The following SRP54 variants were observed in gnomAD, a reference collection of about 807,000 sequenced individuals.
SRP54 encodes the protein signal recognition particle subunit SRP54.
SRP54 carries 10 observed loss-of-function variants against 64.8 expected under a neutral mutation model. The ratio of observed to expected loss-of-function variants is 0.15; its 90% CI spans 0.10 to 0.26. SRP54 has a LOEUF of 0.26. SRP54 is among the 10% of genes least tolerant of loss of function. SRP54 has a pLI of 1.00. For missense variants in SRP54, 325 were observed against 613.7 expected, an observed-to-expected ratio of 0.53 and a Z score of 4.97; for synonymous variants, 193 against 185.6, an observed-to-expected ratio of 1.04 and a Z score of -0.32.
At chr14:34,988,576 A>ATATATATATATATATATAT (rs1326467032) in intron 1 of SRP54, among the ~76,000 whole-genome samples, 1 of 83,534 alleles carries the variant, frequency 1.2e-5, no homozygotes, top group African/African-American at 4.1e-5. Context: ...AAAAAAAAAA[A>ATATATATATATATATATAT]AAATATATAT....
At chr14:35,004,132 C>G (rs1303045495) in intron 4 of SRP54, among the ~76,000 whole-genome samples, 4 of 152,026 alleles carry the variant, frequency 2.6e-5, no homozygotes, top group African/African-American at 9.7e-5. Flanking sequence ...TGCCTGTAAT[C>G]CCAGCTACTT....
chr14:34,989,469 C>T (rs1023406732), intron 1 of SRP54, among the ~76,000 whole-genome samples: 3 of 139,032 alleles, frequency 2.2e-5, no homozygotes, highest in Non-Finnish European at 4.7e-5. Flanking sequence ...AACTCTGTCT[C>T]AAAAAAAAAA....
At chr14:35,010,088 C>T (rs1479539630) in intron 7 of SRP54, among the ~76,000 whole-genome samples, 1 of 151,568 alleles carries the variant, frequency 6.6e-6, no homozygotes, top group Non-Finnish European at 1.5e-5. Flanking sequence ...GCGAAGGTTG[C>T]ATTGAGCCGA....
intron 3 of SRP54, 80 bp downstream of exon 3, chr14:34,999,729 C>G (rs986984703): frequency 4.9e-6 from 5 of 1,023,854 alleles, no homozygotes; most frequent in Non-Finnish European, 7.6e-6. Context: ...GAAGTGTTTG[C>G]TGTATCAGGA....
chr14:35,002,285 T>C (rs566240230), intron 4 of SRP54, among the ~76,000 whole-genome samples: 2 of 152,068 alleles, frequency 1.3e-5, no homozygotes, highest in Admixed American at 1.3e-4. Flanking sequence ...GCCCAGGAGT[T>C]CGGGGGTGCA....
chr14:35,005,996 C>T (rs147323839), intron 4 of SRP54, among the ~76,000 whole-genome samples: 11,724 of 152,154 alleles, frequency 0.077, 598 homozygotes, highest in Non-Finnish European at 0.12. Context: ...CCTGCCACCA[C>T]GCCCGGCTAA....
intron 14 of SRP54, 118 bp from the exon 15 acceptor site, chr14:35,027,970 G>A (rs1205663491): frequency 1.9e-6 from 1 of 516,550 alleles, no homozygotes; most frequent in Non-Finnish European, 3.4e-6. Flanking sequence ...TAGAGTGATA[G>A]GATTATGTAA....
intron 11 of SRP54, among the ~76,000 whole-genome samples, chr14:35,016,568 C>T (rs188788210): frequency 1.1e-4 from 16 of 152,314 alleles, no homozygotes; most frequent in Admixed American, 7.2e-4. Flanking sequence ...CTTAAATGTC[C>T]TTCTTCAGGG....
chr14:34,990,909 T>TA (rs2043965917), intron 1 of SRP54, among the ~76,000 whole-genome samples: 2 of 152,156 alleles, frequency 1.3e-5, no homozygotes, highest in Admixed American at 6.5e-5. Flanking sequence ...CTTTTAAAGA[T>TA]ATTTGCAGTG....
intron 14 of SRP54, among the ~76,000 whole-genome samples, chr14:35,026,771 T>C (rs993351444): frequency 6.6e-6 from 1 of 152,076 alleles, no homozygotes; most frequent in Non-Finnish European, 1.5e-5. Flanking sequence ...GGTGAAACCC[T>C]GTCTCTACTA....
intron 7 of SRP54, among the ~76,000 whole-genome samples, chr14:35,009,537 G>T (rs2044321988): frequency 6.6e-6 from 1 of 152,080 alleles, no homozygotes; most frequent in Non-Finnish European, 1.5e-5. Flanking sequence ...GACAAAGATT[G>T]TATTGGGGAT....
At chr14:34,988,968 A>G (rs2043945824) in intron 1 of SRP54, among the ~76,000 whole-genome samples, 2 of 152,138 alleles carry the variant, frequency 1.3e-5, no homozygotes, top group African/African-American at 2.4e-5. Flanking sequence ...CCATATTTAT[A>G]TCCTTAAGAA....
At chr14:35,027,260 C>G (rs1177653363) in intron 14 of SRP54, among the ~76,000 whole-genome samples, 1 of 151,826 alleles carries the variant, frequency 6.6e-6, no homozygotes, top group Non-Finnish European at 1.5e-5. Context: ...GAACTCCTGA[C>G]CTCAAGTGAT....
At chr14:34,983,451 C>T (rs965670591) in intron 1 of SRP54, among the ~76,000 whole-genome samples, 1 of 152,220 alleles carries the variant, frequency 6.6e-6, no homozygotes, top group Non-Finnish European at 1.5e-5. Context: ...AAGATGTAGG[C>T]AGTTGCAGGC....
At chr14:35,024,028 CTTTA>C (rs2044579405) in intron 14 of SRP54, among the ~76,000 whole-genome samples, 1 of 151,784 alleles carries the variant, frequency 6.6e-6, no homozygotes, top group African/African-American at 2.4e-5. Flanking sequence ...CATTATATTT[CTTTA>C]TTTATATTAT....
At chr14:34,986,478 T>C (rs1443055743) in intron 1 of SRP54, among the ~76,000 whole-genome samples, 1 of 152,174 alleles carries the variant, frequency 6.6e-6, no homozygotes, top group Non-Finnish European at 1.5e-5. Context: ...TGTTGACTAG[T>C]TGCACTCTAA....
chr14:35,006,145 G>A (rs957407529), intron 4 of SRP54, among the ~76,000 whole-genome samples: 1 of 152,038 alleles, frequency 6.6e-6, no homozygotes, highest in African/African-American at 2.4e-5. Flanking sequence ...GGCCCTAAAT[G>A]TCCCATGCTT....
intron 5 of SRP54, 41 bp from the exon 6 acceptor site, chr14:35,008,586 A>G (rs778321614): frequency 7.6e-7 from 1 of 1,316,424 alleles, no homozygotes; most frequent in Non-Finnish European, 1.0e-6. Flanking sequence ...ATAGTTTGTT[A>G]TATTTTATGA....
chr14:35,010,019 G>T (rs1366316327), intron 7 of SRP54, among the ~76,000 whole-genome samples: 1 of 151,890 alleles, frequency 6.6e-6, no homozygotes, highest in African/African-American at 2.4e-5. Flanking sequence ...GTGGTAGTGG[G>T]TGCCTGTAAT....
Sources: gnomAD v4.1 joint callset for allele counts (sites outside exome capture counted in the v4.1 genomes callset) on GRCh38, gnomAD v4.1.1 for gene constraint, MANE v1.5 for transcripts, NCBI Gene and HGNC (gene_info 2026-07-23, HGNC 2026-07-21) for gene names.